DNAH14: variants seen among roughly 807,000 people sequenced by gnomAD.
DNAH14 encodes dynein axonemal heavy chain 14.
Under a neutral mutation model 520.9 loss-of-function variants are expected in DNAH14, and 478 were observed. That is an observed-to-expected ratio of 0.92 (90% CI 0.85 to 0.99). The LOEUF is 0.99. DNAH14 is among the 50% of genes least tolerant of loss of function. DNAH14 has a pLI of 0.00. For missense variants in DNAH14, 4,831 were observed against 5,234.5 expected, an observed-to-expected ratio of 0.92 and a Z score of 2.38; for synonymous variants, 1,581 against 1,757.2, an observed-to-expected ratio of 0.90 and a Z score of 2.51.
intron 4 of DNAH14, among the ~76,000 whole-genome samples, chr1:224,961,681 G>A (rs2060854755): frequency 6.6e-6 from 1 of 152,128 alleles, no homozygotes; most frequent in African/African-American, 2.4e-5. Flanking sequence ...TCCCACACTT[G>A]ACACATGGGG....
intron 10 of DNAH14, among the ~76,000 whole-genome samples, chr1:225,014,650 T>G (rs1257251354): frequency 6.6e-6 from 1 of 152,208 alleles, no homozygotes; most frequent in Non-Finnish European, 1.5e-5. Flanking sequence ...TCTATTCCCC[T>G]GTGCTCAGAT....
chr1:225,129,900 A>C (rs2078198154), intron 27 of DNAH14, among the ~76,000 whole-genome samples: 1 of 152,218 alleles, frequency 6.6e-6, no homozygotes, highest in Non-Finnish European at 1.5e-5. Flanking sequence ...AATGGGAGAA[A>C]ATTTTTGCAA....
In DNAH14 at chr1:225,148,396, CTTTTTTTTTT is replaced by C. The variant is rs560233312; in HGVS notation, c.4940+1161_4940+1170del. 3.2e-3 allele frequency among the ~76,000 whole-genome samples: 313 copies of C among 96,638 alleles called. 3 individuals carry two copies. In the East Asian group the frequency reaches 0.035, roughly 11 times the overall value. 63.4% of individuals were successfully genotyped at this position (96,638 alleles called of 152,430 possible). Reference sequence around the variant, plus strand: ...TTCTCTAATGATCAGTAATGTTGAGCTTTTTTTTTTTTTTTTTTTTTTTGAGTCGGAGTCT... The same window carrying C: ...TTCTCTAATGATCAGTAATGTTGAGCTTTTTTTTTTTTTGAGTCGGAGTCT... On this transcript the variant is annotated intron_variant, in intron 31 of 85. Transcript: ENST00000682510.
chr1:225,051,703 T>A lies in DNAH14; in HGVS notation c.2332T>A (p.Ser778Thr). The A allele has an allele frequency of 6.4e-7, 1 of 1,551,256 alleles. No homozygotes were observed. The highest frequency in any genetic ancestry group is 1.2e-5 in the South Asian group (1 of 84,038). Residue 778 changes from serine to threonine, a missense_variant, in exon 17 of 86, where the codon TCA becomes ACA. Ser to Thr is a moderately conservative substitution (Grantham distance 58, BLOSUM62 1). Coordinates refer to ENST00000682510, the MANE Select transcript of DNAH14 (RefSeq NM_001367479.1). The part of the protein sequence containing the change: ...IFNVVSLDYQ[S>T]ECLLYIDNVI... ...CAACGTTGTAAGTCTTGATTATCAA[T>A]CAGAATGCTTACTGTATATTGACAA...
chr1:225,376,140 T>G (rs1020278442), intron 78 of DNAH14, among the ~76,000 whole-genome samples: 2 of 151,576 alleles, frequency 1.3e-5, no homozygotes, highest in Non-Finnish European at 2.9e-5. Flanking sequence ...AATTTAGGAT[T>G]CTTTGGCCAA....
At position 225,270,792 on chromosome 1, in the gene DNAH14, C is replaced by T; in HGVS notation, c.7597C>T (p.Pro2533Ser). 4 of 1,551,088 alleles carry T rather than the reference C, an allele frequency of 2.6e-6. No homozygotes were observed. Among genetic ancestry groups the T allele is most frequent in the Non-Finnish European group, 3.5e-6 (4 of 1,146,646 alleles). ...TGTTCCAGTTGTGAATGATATCAGC[C>T]CACGTCTTCTCAAACACTTTTCCAT... ...ACVPVVNDIS[P>S]RLLKHFSMLV... Residue 2533 changes from proline (P) to serine (S), a missense_variant, in exon 50 of 86, where the codon CCA becomes TCA. Pro to Ser is a moderately conservative substitution (Grantham distance 74). Coordinates refer to ENST00000682510, the MANE Select transcript of DNAH14 (RefSeq NM_001367479.1).
intron 71 of DNAH14, among the ~76,000 whole-genome samples, chr1:225,347,235 C>G (rs1399997208): frequency 1.3e-5 from 2 of 152,098 alleles, no homozygotes; most frequent in African/African-American, 2.4e-5. Context: ...AGGCTCCCTT[C>G]CTTCACAGAG....
chr1:225,166,429 A>G (rs1388921328), intron 35 of DNAH14, among the ~76,000 whole-genome samples: 3 of 152,232 alleles, frequency 2.0e-5, no homozygotes, highest in Non-Finnish European at 2.9e-5. Flanking sequence ...AAATTGTAAT[A>G]TATGATTAAT....
intron 66 of DNAH14, among the ~76,000 whole-genome samples, chr1:225,334,813 G>T (rs2094878391): frequency 6.6e-6 from 1 of 151,756 alleles, no homozygotes; most frequent in African/African-American, 2.4e-5. Context: ...AGGCTGCAGT[G>T]AGGTGTCATC....
At chr1:225,083,824 T>C (rs751757131) in intron 20 of DNAH14, among the ~76,000 whole-genome samples, 2 of 152,142 alleles carry the variant, frequency 1.3e-5, no homozygotes, top group Non-Finnish European at 2.9e-5. Flanking sequence ...TACCAACAGA[T>C]GAATTTATTT....
chr1:225,334,906 G>GTATA (rs2094882760), intron 66 of DNAH14, among the ~76,000 whole-genome samples: 1 of 119,144 alleles, frequency 8.4e-6, no homozygotes. Context: ...GTGTGTGTGT[G>GTATA]TGTATATGTA....
chr1:225,166,742 A>G (rs1403393119), intron 35 of DNAH14, among the ~76,000 whole-genome samples: 2 of 152,232 alleles, frequency 1.3e-5, no homozygotes, highest in African/African-American at 2.4e-5. Context: ...ATTATCGCCA[A>G]GTAACTAAAA....
intron 72 of DNAH14, among the ~76,000 whole-genome samples, chr1:225,352,104 T>C (rs2095372834): frequency 1.3e-5 from 2 of 152,156 alleles, no homozygotes; most frequent in Admixed American, 1.3e-4. Context: ...AATCAGAATT[T>C]CAGAGAGATT....
chr1:225,144,288 TG>T lies in DNAH14; in HGVS notation c.4509-108del, dbSNP rs551900105. 2,130 of 839,530 alleles carry T rather than the reference TG, an allele frequency of 2.5e-3. 2 individuals are homozygous for T. The highest frequency in any genetic ancestry group is 3.3e-3 in the Non-Finnish European group (1,829 of 549,092). 52.0% of individuals were successfully genotyped at this position (839,530 alleles called of 1,614,324 possible). On this transcript the variant is annotated intron_variant, in intron 28 of 85. Coordinates refer to ENST00000682510, the MANE Select transcript of DNAH14 (RefSeq NM_001367479.1). ...TGATTTTAATTTTTTAACTTCTATT[TG>T]TTTTTTTAATCAATGCTCCATTTTT...
intron 75 of DNAH14, among the ~76,000 whole-genome samples, chr1:225,363,498 T>C (rs535975163): frequency 5.3e-5 from 8 of 152,282 alleles, no homozygotes; most frequent in African/African-American, 1.7e-4. Flanking sequence ...ACCACCCAGG[T>C]AGCTGGAACT....
intron 65 of DNAH14, 148 bp from the exon 66 acceptor site, chr1:225,333,143 A>C: frequency 1.6e-6 from 1 of 633,756 alleles, no homozygotes; most frequent in Non-Finnish European, 2.5e-6. Context: ...ATTTTTCAAT[A>C]TTATCCATTA....
At chr1:225,229,522 T>C (rs577971902) in intron 41 of DNAH14, among the ~76,000 whole-genome samples, 2 of 152,272 alleles carry the variant, frequency 1.3e-5, no homozygotes, top group Admixed American at 1.3e-4. Flanking sequence ...CCAACCCAAA[T>C]GCCCATCAAT....
chr1:225,118,078 T>C (rs1238256044), intron 25 of DNAH14, 79 bp downstream of exon 25: 1 of 1,103,504 alleles, frequency 9.1e-7, no homozygotes, highest in Non-Finnish European at 1.4e-6. Context: ...TTTTGATATA[T>C]TATAAAAGTG....
chr1:225,353,267 A>G (rs1034089882), intron 72 of DNAH14, among the ~76,000 whole-genome samples: 3 of 152,140 alleles, frequency 2.0e-5, no homozygotes, highest in Non-Finnish European at 4.4e-5. Flanking sequence ...ATTGTAATCC[A>G]GTAGGACTCT....
Sources: allele counts gnomAD v4.1 joint callset (sites outside exome capture counted in the v4.1 genomes callset), GRCh38; gene constraint gnomAD v4.1.1; transcripts MANE v1.5; gene names NCBI Gene and HGNC (gene_info 2026-07-23, HGNC 2026-07-21).